CSMD1: variants seen among roughly 807,000 people sequenced by gnomAD.
CSMD1 encodes the protein CUB and Sushi multiple domains 1.
CSMD1 carries 213 observed loss-of-function variants against 417.5 expected under a neutral mutation model. The ratio of observed to expected loss-of-function variants is 0.51; its 90% confidence interval spans 0.46 to 0.57. The LOEUF is 0.57. CSMD1 is among the 20% of genes least tolerant of loss of function. The pLI, the probability that CSMD1 is intolerant of heterozygous loss-of-function variation, is 0.00. For synonymous variants in CSMD1, 2,862 were observed against 1,736.8 expected, an observed-to-expected ratio of 1.65 and a Z score of -16.11; for missense variants, 6,923 against 4,529.7, an observed-to-expected ratio of 1.53 and a Z score of -15.17.
chr8:2,987,208 C>CT (rs1805996331), intron 54 of CSMD1, among the ~76,000 whole-genome samples: 3 of 151,904 alleles, frequency 2.0e-5, no homozygotes, highest in Non-Finnish European at 1.5e-5. Context: ...AGTTAACTCT[C>CT]TGAGCTATTA....
chr8:3,788,712 G>A (rs1420084535), intron 5 of CSMD1, among the ~76,000 whole-genome samples: 1 of 152,160 alleles, frequency 6.6e-6, no homozygotes, highest in African/African-American at 2.4e-5. Context: ...AGTCTAAGTA[G>A]CCATTCAGAG....
chr8:4,451,079 A>G (rs1799114615), intron 2 of CSMD1, among the ~76,000 whole-genome samples: 1 of 152,168 alleles, frequency 6.6e-6, no homozygotes, highest in Non-Finnish European at 1.5e-5. Flanking sequence ...TCAGTCAAGC[A>G]CTTTGGGAGG....
chr8:4,674,274 T>A lies in CSMD1; in HGVS notation c.86-36716A>T, dbSNP rs563996467. Reference sequence around the variant, plus strand: ...GAAAAAAGCGGGAGGTTATGTTGAGTCTGGCATGTGCAGGGCACAGGGATG... The same window carrying A: ...GAAAAAAGCGGGAGGTTATGTTGAGACTGGCATGTGCAGGGCACAGGGATG... On this transcript the variant is annotated intron_variant, in intron 1 of 69. Coordinates refer to ENST00000635120, the MANE Select transcript of CSMD1 (RefSeq NM_033225.6). 5.3e-5 allele frequency among the ~76,000 whole-genome samples: 8 copies of A among 152,134 alleles called. No homozygotes were observed. In the South Asian group the frequency reaches 1.7e-3, roughly 32 times the overall value.
At position 3,870,539 on chromosome 8, in the gene CSMD1, C is replaced by G. The variant is rs1417605850; in HGVS notation, c.819-116497G>C. ...CGTTTGAGAGCTATGGTCAAATTACCCTCCAGAAATGTCCAGCCATTTCTC... is the reference window on the plus strand; with the variant it reads ...CGTTTGAGAGCTATGGTCAAATTACGCTCCAGAAATGTCCAGCCATTTCTC... On this transcript the variant is annotated intron_variant, in intron 5 of 69. Transcript: ENST00000635120. Among the ~76,000 whole-genome samples, 3 of 151,968 alleles carry G rather than the reference C, an allele frequency of 2.0e-5. No individual in the cohort carries two copies. In the East Asian group the frequency reaches 5.8e-4, roughly 29 times the overall value.
intron 5 of CSMD1, among the ~76,000 whole-genome samples, chr8:3,802,182 A>G (rs1800492186): frequency 6.6e-6 from 1 of 152,210 alleles, no homozygotes; most frequent in African/African-American, 2.4e-5. Flanking sequence ...CAATAAAGAA[A>G]GACATTAAAG....
chr8:2,961,184 C>G lies in CSMD1; in HGVS notation c.9659G>C (p.Gly3220Ala). ...DPAHNTCPDP[G>A]TPHFGIQNSS... ...ATTCTGTATTCCAAAGTGTGGCGTA[C>G]CAGGGTCTGGGCAGGTGTTATGAGC... is the stretch of plus-strand genomic sequence containing the variant. The change falls in exon 62 of 70, where the codon GGT becomes GCT. Residue 3220 changes from glycine (G) to alanine (A), a missense_variant. Transcript: ENST00000635120. 1.2e-6 allele frequency: 2 copies of G among 1,601,784 alleles called. No individual in the cohort carries two copies. Among genetic ancestry groups the G allele is most frequent in the Non-Finnish European group, 1.7e-6 (2 of 1,172,270 alleles).
At chr8:3,887,566 C>T (rs1435079622) in intron 5 of CSMD1, among the ~76,000 whole-genome samples, 2 of 152,172 alleles carry the variant, frequency 1.3e-5, no homozygotes, top group East Asian at 3.9e-4. Flanking sequence ...ATTAGAATTC[C>T]TGTAGAGCAA....
intron 41 of CSMD1, among the ~76,000 whole-genome samples, chr8:3,126,146 C>T (rs965713478): frequency 6.6e-6 from 1 of 152,136 alleles, no homozygotes; most frequent in Non-Finnish European, 1.5e-5. Flanking sequence ...CACTTAATCC[C>T]AGGAGGCTCA....
chr8:4,191,153 T>A (rs1340829565), intron 3 of CSMD1, among the ~76,000 whole-genome samples: 2 of 152,096 alleles, frequency 1.3e-5, no homozygotes, highest in East Asian at 3.9e-4. Context: ...TCCCAGCACT[T>A]TGGGAGGCCG....
chr8:4,451,977 T>C (rs1799174360), intron 2 of CSMD1, among the ~76,000 whole-genome samples: 2 of 149,162 alleles, frequency 1.3e-5, no homozygotes. Context: ...TAATTTGATA[T>C]ACATATAGTT....
chr8:4,251,509 T>C (rs959068979), intron 3 of CSMD1, among the ~76,000 whole-genome samples: 2 of 152,254 alleles, frequency 1.3e-5, no homozygotes, highest in South Asian at 2.1e-4. Flanking sequence ...ACAAGATAGT[T>C]ATATCAAAAT....
intron 3 of CSMD1, among the ~76,000 whole-genome samples, chr8:4,251,550 A>G (rs184179080): frequency 9.2e-5 from 14 of 152,300 alleles, no homozygotes; most frequent in East Asian, 3.9e-4. Context: ...AAGCAATTTA[A>G]TCAGGGCAGT....
intron 3 of CSMD1, among the ~76,000 whole-genome samples, chr8:4,203,415 T>C (rs1799782188): frequency 6.6e-6 from 1 of 152,206 alleles, no homozygotes; most frequent in South Asian, 2.1e-4. Context: ...ACTACATTTG[T>C]GGTAATATCT....
At chr8:4,122,757 T>A (rs1027494682) in intron 3 of CSMD1, among the ~76,000 whole-genome samples, 1 of 152,064 alleles carries the variant, frequency 6.6e-6, no homozygotes, top group Non-Finnish European at 1.5e-5. Flanking sequence ...AGGGGAAGAT[T>A]TCTGGCTCTT....
In CSMD1 at chr8:4,201,274, C is replaced by A. The variant is rs549508780; in HGVS notation, c.416-169175G>T. Among the ~76,000 whole-genome samples, 249 of 152,298 alleles carry A rather than the reference C, an allele frequency of 1.6e-3. 2 individuals carry two copies. The highest frequency in any genetic ancestry group is 6.8e-3 in the Middle Eastern group (2 of 294). On this transcript the variant is annotated intron_variant, in intron 3 of 69. Transcript: ENST00000635120. ...AAATTCAGGGCCGGGCGCAGTGGCTCACGCCTGTAATCCCAGCACTTTGGG... is the reference window on the plus strand; with the variant it reads ...AAATTCAGGGCCGGGCGCAGTGGCTAACGCCTGTAATCCCAGCACTTTGGG...
At chr8:3,913,046 G>C (rs867738101) in intron 5 of CSMD1, among the ~76,000 whole-genome samples, 2 of 152,128 alleles carry the variant, frequency 1.3e-5, no homozygotes, top group African/African-American at 2.4e-5. Flanking sequence ...CGTGACTTTA[G>C]CAGCAGGGCA....
chr8:4,585,564 G>C (rs1799657009), intron 2 of CSMD1, among the ~76,000 whole-genome samples: 1 of 152,080 alleles, frequency 6.6e-6, no homozygotes, highest in African/African-American at 2.4e-5. Flanking sequence ...GAGCAGAAGT[G>C]AAAAGGTAGA....
At chr8:3,100,146 G>C (rs1815626600) in intron 46 of CSMD1, among the ~76,000 whole-genome samples, 1 of 152,084 alleles carries the variant, frequency 6.6e-6, no homozygotes, top group African/African-American at 2.4e-5. Context: ...TGACCTCCCA[G>C]GCTCAAACAA....
At chr8:4,374,176 T>C (rs185887523) in intron 3 of CSMD1, among the ~76,000 whole-genome samples, 36 of 152,214 alleles carry the variant, frequency 2.4e-4, no homozygotes, top group Admixed American at 5.2e-4. Context: ...AGATCCCCCC[T>C]CTGAGTTCCA....
Sources: gnomAD v4.1 joint callset for allele counts (sites outside exome capture counted in the v4.1 genomes callset) on GRCh38, gnomAD v4.1.1 for gene constraint, MANE v1.5 for transcripts, NCBI Gene and HGNC (gene_info 2026-07-23, HGNC 2026-07-21) for gene names.